The following FGF1 variants were observed in gnomAD, a reference collection of about 807,000 sequenced individuals.
FGF1 encodes fibroblast growth factor 1.
Under a neutral mutation model 13.4 loss-of-function variants are expected in FGF1, and 9 were observed. The ratio of observed to expected loss-of-function variants is 0.67; its 90% CI spans 0.40 to 1.17. The LOEUF (loss-of-function observed/expected upper bound fraction) is 1.17. Ranked by LOEUF, FGF1 falls within the 50% of genes most tolerant of loss-of-function variation. The pLI, the probability that FGF1 is intolerant of heterozygous loss-of-function variation, is 0.01. For synonymous variants in FGF1, 93 were observed against 79.0 expected, an observed-to-expected ratio of 1.18 and a Z score of -0.94; for missense variants, 156 against 192.7, an observed-to-expected ratio of 0.81 and a Z score of 1.13.
At chr5:142,633,566 A>C (rs1763718034) in intron 1 of FGF1, among the ~76,000 whole-genome samples, 2 of 152,112 alleles carry the variant, frequency 1.3e-5, no homozygotes. Flanking sequence ...ATTTCCCTGC[A>C]CCCATTTTTG....
chr5:142,666,767 A>G (rs747687781), intron 1 of FGF1, among the ~76,000 whole-genome samples: 1 of 150,764 alleles, frequency 6.6e-6, no homozygotes, highest in Non-Finnish European at 1.5e-5. Context: ...GCAACACTTT[A>G]TCTCTACATT....
intron 1 of FGF1, among the ~76,000 whole-genome samples, chr5:142,661,012 G>T (rs546043954): frequency 1.3e-5 from 2 of 152,232 alleles, no homozygotes; most frequent in Admixed American, 1.3e-4. Flanking sequence ...GGTAAGAGGG[G>T]GAAAATGCAT....
intron 1 of FGF1, among the ~76,000 whole-genome samples, chr5:142,652,123 G>A (rs571284693): frequency 6.6e-6 from 1 of 152,182 alleles, no homozygotes; most frequent in South Asian, 2.1e-4. Flanking sequence ...ATTGCTCAGG[G>A]CCACATGTCC....
chr5:142,599,662 C>G (rs1469440419), intron 3 of FGF1, among the ~76,000 whole-genome samples: 1 of 152,216 alleles, frequency 6.6e-6, no homozygotes, highest in Admixed American at 6.5e-5. Flanking sequence ...CTCCAGTTAA[C>G]TCCTGTCACA....
chr5:142,668,301 A>G (rs1469801364), intron 1 of FGF1, among the ~76,000 whole-genome samples: 6 of 152,254 alleles, frequency 3.9e-5, no homozygotes, highest in Non-Finnish European at 8.8e-5. Context: ...TTGCACAGTC[A>G]AAAACGTTTA....
At chr5:142,608,542 C>CTATATATATATATA (rs369107817) in intron 2 of FGF1, among the ~76,000 whole-genome samples, 1 of 76,034 alleles carries the variant, frequency 1.3e-5, no homozygotes, top group African/African-American at 4.2e-5. Context: ...ATATACACAT[C>CTATATATATATATA]TATATATATA....
intron 2 of FGF1, among the ~76,000 whole-genome samples, chr5:142,603,225 G>A (rs1389242856): frequency 6.6e-6 from 1 of 152,052 alleles, no homozygotes; most frequent in African/African-American, 2.4e-5. Flanking sequence ...TGTTTTCCTG[G>A]GATCTTTGCA....
At chr5:142,645,822 C>T (rs1245396450) in intron 1 of FGF1, among the ~76,000 whole-genome samples, 1 of 152,208 alleles carries the variant, frequency 6.6e-6, no homozygotes, top group Non-Finnish European at 1.5e-5. Context: ...CTGATATTCT[C>T]CTGAGCTCAG....
intron 2 of FGF1, among the ~76,000 whole-genome samples, chr5:142,601,377 T>G (rs1172433954): frequency 6.6e-6 from 1 of 152,198 alleles, no homozygotes; most frequent in African/African-American, 2.4e-5. Context: ...GAGTTAGGAC[T>G]GGTTGCCACA....
At chr5:142,608,678 A>G (rs1758358684) in intron 2 of FGF1, among the ~76,000 whole-genome samples, 1 of 146,082 alleles carries the variant, frequency 6.8e-6, no homozygotes, top group African/African-American at 2.5e-5. Context: ...GTTGTCTGGA[A>G]AATTTTGATA....
At chr5:142,612,482 A>C (rs192692673) in intron 2 of FGF1, among the ~76,000 whole-genome samples, 2 of 152,326 alleles carry the variant, frequency 1.3e-5, no homozygotes, top group East Asian at 3.9e-4. Flanking sequence ...TAAAACCCAG[A>C]GGAATTAAAG....
At chr5:142,635,865 G>T (rs573139979) in intron 1 of FGF1, among the ~76,000 whole-genome samples, 1 of 152,182 alleles carries the variant, frequency 6.6e-6, no homozygotes, top group African/African-American at 2.4e-5. Flanking sequence ...GGAAGGGAAG[G>T]CTTGATTATT....
chr5:142,608,629 T>G (rs1468958189), intron 2 of FGF1, among the ~76,000 whole-genome samples: 1 of 135,976 alleles, frequency 7.4e-6, no homozygotes, highest in Admixed American at 7.8e-5. Flanking sequence ...AAAAAAAACC[T>G]TATCTTAAAA....
At position 142,592,953 on chromosome 5, in the gene FGF1, C is replaced by G. The variant is rs1299520051; in HGVS notation, c.*2337G>C. The G allele has an allele frequency of 2.0e-5, 3 of 152,280 alleles. No homozygotes were observed. The highest frequency in any genetic ancestry group is 4.4e-5 in the Non-Finnish European group (3 of 68,110). The allele number at this position is 152,280 out of a possible 1,614,324, so 9.4% of individuals were successfully genotyped here. On this transcript the variant is annotated 3_prime_UTR_variant, in exon 4 of 4. Transcript: ENST00000337706. ...AATGCCCTGGGAGAAGATACAGCAG[C>G]AAACCAGACAGACAAGGTCCCCAGT...
chr5:142,594,512 C>T lies in FGF1; in HGVS notation c.*778G>A, dbSNP rs1391173594. On this transcript the variant is annotated 3_prime_UTR_variant, in exon 4 of 4. Coordinates refer to ENST00000337706, the MANE Select transcript of FGF1 (RefSeq NM_000800.5). ...TCTCTGCACTCCCACACTCAGTCCC[C>T]AGATCCACATGAATTTCCCAGCTCT... 1 of 152,270 alleles carries T rather than the reference C, an allele frequency of 6.6e-6. No homozygotes were observed. The highest frequency in any genetic ancestry group is 2.4e-5 in the African/African-American group (1 of 41,438). 9.4% of individuals were successfully genotyped at this position (152,270 alleles called of 1,614,324 possible). A position where few individuals can be genotyped will look rare whatever the true frequency, so the allele number is the denominator to read the frequency against.
chr5:142,684,803 G>A (rs1437856883), intron 1 of FGF1, among the ~76,000 whole-genome samples: 1 of 152,222 alleles, frequency 6.6e-6, no homozygotes, highest in Non-Finnish European at 1.5e-5. Flanking sequence ...AGAGCTGGTG[G>A]AGGGGCAGCC....
rs187169235 is a variant in FGF1, at chr5:142,623,410, T to C, written c.-34-9249A>G. On this transcript the variant is annotated intron_variant, in intron 1 of 3. Coordinates refer to ENST00000337706, the MANE Select transcript of FGF1 (RefSeq NM_000800.5). ...CCCAGGCTGAAGTGCAGTGGTGCGA[T>C]CTCTGCTCACTGCAACCTCCACCTC... 9.7e-4 allele frequency among the ~76,000 whole-genome samples: 148 copies of C among 152,042 alleles called. 1 individual carries two copies. Among genetic ancestry groups the C allele is most frequent in the African/African-American group, 3.5e-3 (144 of 41,454 alleles).
chr5:142,632,704 G>A (rs925992972), intron 1 of FGF1, among the ~76,000 whole-genome samples: 26 of 152,232 alleles, frequency 1.7e-4, no homozygotes, highest in African/African-American at 6.0e-4. Context: ...GCTCTTTTAT[G>A]ATCTGACTTT....
In FGF1 at chr5:142,595,105, A is replaced by G; in HGVS notation, c.*185T>C. 1.8e-6 allele frequency: 1 copy of G among 559,860 alleles called. No homozygotes were observed. 34.7% of individuals were successfully genotyped at this position (559,860 alleles called of 1,614,324 possible). ...GAAGCAATTTGGTCCCTCTGTTCTAAACTGTGCAGGGGTAAAAGGCTCTGC... is the reference window on the plus strand; with the variant it reads ...GAAGCAATTTGGTCCCTCTGTTCTAGACTGTGCAGGGGTAAAAGGCTCTGC... On this transcript the variant is annotated 3_prime_UTR_variant, in exon 4 of 4. Coordinates refer to ENST00000337706, the MANE Select transcript of FGF1 (RefSeq NM_000800.5).
Sources: allele counts gnomAD v4.1 joint callset (sites outside exome capture counted in the v4.1 genomes callset), GRCh38; gene constraint gnomAD v4.1.1; transcripts MANE v1.5; gene names NCBI Gene and HGNC (gene_info 2026-07-23, HGNC 2026-07-21).